The following VIRMA variants were observed in gnomAD, a reference collection of about 807,000 sequenced individuals.
VIRMA encodes the protein vir like m6A methyltransferase associated.
A neutral mutation model predicts 182.4 loss-of-function variants in VIRMA; 65 were observed. The ratio of observed to expected loss-of-function variants is 0.36; its 90% CI spans 0.29 to 0.44. The LOEUF (loss-of-function observed/expected upper bound fraction) is 0.44. VIRMA is among the 20% of genes least tolerant of loss of function. VIRMA has a pLI of 1.00. For missense variants in VIRMA, 1,752 were observed against 2,158.1 expected, an observed-to-expected ratio of 0.81 and a Z score of 3.73; for synonymous variants, 709 against 743.1, an observed-to-expected ratio of 0.95 and a Z score of 0.75.
In VIRMA at chr8:94,490,085, A is replaced by G; in HGVS notation, c.5141-3T>C. 1 of 1,604,100 alleles carries G rather than the reference A, an allele frequency of 6.2e-7. No individual in the cohort carries two copies. Among genetic ancestry groups the G allele is most frequent in the South Asian group, 1.1e-5 (1 of 89,012 alleles). ...TCCTTCCCGACGACTGTAGTTTCCT[A>G]AACACAAACAGCACAATCAAAATCA... On this transcript the variant is annotated splice_region_variant and splice_polypyrimidine_tract_variant and intron_variant, in intron 22 of 23. Coordinates refer to ENST00000297591, the MANE Select transcript of VIRMA (RefSeq NM_015496.5).
intron 13 of VIRMA, 145 bp from the exon 14 acceptor site, chr8:94,510,797 T>G: frequency 1.3e-6 from 1 of 766,850 alleles, no homozygotes; most frequent in Non-Finnish European, 2.0e-6. Flanking sequence ...AGTTAAACAT[T>G]TGCTTGAATT....
rs1018459106 is a variant in VIRMA, at chr8:94,520,499, C to CA, written c.2022-1024dup. 2.7e-4 allele frequency among the ~76,000 whole-genome samples: 39 copies of CA among 145,156 alleles called. 1 individual carries two copies. The highest frequency in any genetic ancestry group is 7.5e-4 in the Admixed American group (11 of 14,588). On this transcript the variant is annotated intron_variant, in intron 8 of 23. Transcript: ENST00000297591. ...TAGGTGAAAGAGCAAGACTCTGTCT[C>CA]AAAAAAAAAAGACAGAAAAGAATGT...
Position 94,519,183 on chromosome 8 carries a change from G to A in VIRMA, c.2315C>T (p.Thr772Ile), listed in dbSNP as rs543881870. 1 of 1,614,084 alleles carries A rather than the reference G, an allele frequency of 6.2e-7. No individual in the cohort carries two copies. The highest frequency in any genetic ancestry group is 1.1e-5 in the South Asian group (1 of 91,076). ...ACGCTGAAAATGGCTGAACAGTTCT[G>A]TAATACATTGCAATGTCTGTGTTGA... Reference protein sequence around the residue: ...QDSTQTLQCITELFSHFQRCT... With the variant: ...QDSTQTLQCIIELFSHFQRCT... Residue 772 changes from threonine to isoleucine, a missense_variant, in exon 9 of 24, where the codon ACA becomes ATA. Coordinates refer to ENST00000297591, the MANE Select transcript of VIRMA (RefSeq NM_015496.5).
At chr8:94,496,008 C>T in intron 18 of VIRMA, 117 bp from the exon 19 acceptor site, 1 of 843,094 alleles carries the variant, frequency 1.2e-6, no homozygotes, top group Non-Finnish European at 1.8e-6. Context: ...GGAACACTGT[C>T]CAGAAATTAT....
Position 94,526,736 on chromosome 8 carries a change from G to C in VIRMA, c.1508C>G (p.Ala503Gly), listed in dbSNP as rs1814984107. The C allele has an allele frequency of 6.2e-7, 1 of 1,613,834 alleles. No individual in the cohort carries two copies. Among genetic ancestry groups the C allele is most frequent in the Non-Finnish European group, 8.5e-7 (1 of 1,180,014 alleles). ...AATGACACTGTCCAAAGCTTTAAAA[G>C]CATTTAACTTAAGAGAAGATGATAC... ...DHVSSSLKLNAFKALDSVISM... is the reference protein window; with the variant it reads ...DHVSSSLKLNGFKALDSVISM... The change falls in exon 8 of 24, where the codon GCT (alanine) becomes GGT (glycine). Residue 503 changes from alanine to glycine, a missense_variant. By Grantham distance (60) the Ala-to-Gly change is moderately conservative. Around this residue, in one of 11 missense-constraint regions of VIRMA, gnomAD observed 401 missense variants for 455.1 expected, o/e 0.88. Transcript: ENST00000297591.
chr8:94,490,118 C>G, intron 22 of VIRMA, 36 bp from the exon 23 acceptor site: 1 of 1,575,314 alleles, frequency 6.3e-7, no homozygotes, highest in Non-Finnish European at 8.6e-7. Flanking sequence ...TCACTTTTTT[C>G]ACAACTTCAG....
intron 5 of VIRMA, chr8:94,533,689 A>C (rs1815245407): frequency 6.8e-6 from 1 of 146,672 alleles, no homozygotes; most frequent in South Asian, 2.1e-4. Flanking sequence ...CCTGGGTTCA[A>C]GCAAGCCTCC....
At chr8:94,506,980 AT>A (rs1023331727) in intron 15 of VIRMA, among the ~76,000 whole-genome samples, 2 of 151,880 alleles carry the variant, frequency 1.3e-5, no homozygotes, top group Non-Finnish European at 2.9e-5. Flanking sequence ...CATCTTTCAA[AT>A]TTTTTTTCTT....
intron 1 of VIRMA, among the ~76,000 whole-genome samples, chr8:94,545,971 C>A (rs976322056): frequency 4.6e-5 from 7 of 151,212 alleles, no homozygotes; most frequent in African/African-American, 1.5e-4. Flanking sequence ...GTGAGAGGAT[C>A]ACTTATGCCC....
Position 94,526,788 on chromosome 8 carries a change from A to G in VIRMA, c.1456T>C (p.Leu486=), listed in dbSNP as rs1360021728. The change falls in exon 8 of 24, where the codon TTA becomes CTA. Residue 486 remains leucine, a synonymous_variant. Coordinates refer to ENST00000297591, the MANE Select transcript of VIRMA (RefSeq NM_015496.5). ...GLLQAGVISG[L]FELLFADHVS... ...TGATCAGCAAACAGAAGTTCAAATA[A>G]TCCACTGATCACTCCTGCTTGTAGC... 3.7e-6 allele frequency: 6 copies of G among 1,614,002 alleles called. No individual in the cohort carries two copies. The African/African-American group carries it at 8.0e-5, about 22-fold the overall frequency.
chr8:94,530,422 G>A (rs980903719), intron 6 of VIRMA, among the ~76,000 whole-genome samples: 1 of 150,910 alleles, frequency 6.6e-6, no homozygotes, highest in Non-Finnish European at 1.5e-5. Flanking sequence ...TCTTGAACCC[G>A]GGAATTCAAG....
At chr8:94,552,381 C>T (rs977553413) in intron 1 of VIRMA, among the ~76,000 whole-genome samples, 25 of 152,112 alleles carry the variant, frequency 1.6e-4, no homozygotes, top group African/African-American at 5.8e-4. Context: ...ATTTATTGAG[C>T]ACCTACATTT....
At chr8:94,540,177 T>C (rs563131722) in intron 2 of VIRMA, among the ~76,000 whole-genome samples, 6 of 152,268 alleles carry the variant, frequency 3.9e-5, no homozygotes, top group Non-Finnish European at 7.4e-5. Flanking sequence ...TACTTGTAAT[T>C]TGAAAACTAA....
At chr8:94,509,400 TCA>T (rs1814276455) in intron 15 of VIRMA, among the ~76,000 whole-genome samples, 1 of 136,352 alleles carries the variant, frequency 7.3e-6, no homozygotes, top group Non-Finnish European at 1.6e-5. Flanking sequence ...AGACCCCATC[TCA>T]AAAAAAAAAA....
Position 94,499,195 on chromosome 8 carries a change from C to G in VIRMA, c.4230+179G>C, listed in dbSNP as rs1044283358. ...ATTTCTCTTTTTTTCAAGACAGGGT[C>G]TCACTATTTTGCCCAGGCTGGTCTC... is the stretch of plus-strand genomic sequence containing the variant. On this transcript the variant is annotated intron_variant, in intron 17 of 23. Coordinates refer to ENST00000297591, the MANE Select transcript of VIRMA (RefSeq NM_015496.5). 110 of 411,704 alleles carry G rather than the reference C, an allele frequency of 2.7e-4. 1 individual carries two copies. Among genetic ancestry groups the G allele is most frequent in the Non-Finnish European group, 5.6e-5 (13 of 233,914 alleles). 25.5% of individuals were successfully genotyped at this position (411,704 alleles called of 1,614,324 possible).
intron 6 of VIRMA, among the ~76,000 whole-genome samples, chr8:94,530,496 C>CA (rs35685716): frequency 0.21 from 16,185 of 78,864 alleles, 1,442 homozygotes; most frequent in African/African-American, 0.35. Flanking sequence ...AAACCTGTCT[C>CA]AAAAAAAAAA....
Position 94,506,683 on chromosome 8 carries a change from C to T in VIRMA, c.3914G>A (p.Gly1305Asp). 1 of 1,613,748 alleles carries T rather than the reference C, an allele frequency of 6.2e-7. No individual in the cohort carries two copies. The highest frequency in any genetic ancestry group is 1.7e-5 in the Admixed American group (1 of 59,994). ...IALILPSSSE[G>D]SISELEQLSN... is the part of the protein sequence containing the mutation. ...GAGCTGCTCCAGTTCAGAAATAGAA[C>T]CTTCAGAAGAGCTTGGTAAGATAAG... Residue 1305 changes from glycine to aspartate, a missense_variant, in exon 16 of 24, where the codon GGT (glycine) becomes GAT (aspartate). Gly to Asp is a moderately conservative substitution (Grantham distance 94). This residue lies in a region of VIRMA where 777 missense variants were observed against 920.6 expected (regional missense o/e 0.84). Transcript: ENST00000297591.
At chr8:94,536,030 C>A (rs940239710) in intron 4 of VIRMA, among the ~76,000 whole-genome samples, 2 of 152,194 alleles carry the variant, frequency 1.3e-5, no homozygotes, top group Non-Finnish European at 2.9e-5. Context: ...GAAGAGCCTG[C>A]ATTAGAAACC....
At chr8:94,553,043 T>A (rs1420981280) in intron 1 of VIRMA, among the ~76,000 whole-genome samples, 10 of 152,100 alleles carry the variant, frequency 6.6e-5, no homozygotes, top group African/African-American at 2.4e-4. Context: ...CAAACACTAC[T>A]GGCAAACCAA....
Sources: gnomAD v4.1 joint callset for allele counts (sites outside exome capture counted in the v4.1 genomes callset) on GRCh38, gnomAD v4.1.1 for gene constraint, gnomAD v4.1.1 regional missense constraint, MANE v1.5 for transcripts, NCBI Gene and HGNC (gene_info 2026-07-23, HGNC 2026-07-21) for gene names.